The following EFCAB6 variants were observed in gnomAD, a reference collection of about 807,000 sequenced individuals.
EFCAB6 encodes EF-hand calcium-binding domain-containing protein 6.
A neutral mutation model predicts 169.8 loss-of-function variants in EFCAB6; 156 were observed. The ratio of observed to expected loss-of-function variants is 0.92; its 90% CI spans 0.81 to 1.05. The LOEUF is 1.05. EFCAB6 is among the 50% of genes least tolerant of loss of function. The pLI is 0.00. For missense variants in EFCAB6, 1,800 were observed against 1,829.1 expected (o/e 0.98, Z 0.29); for synonymous variants, 698 against 676.4 (o/e 1.03, Z -0.50).
chr22:43,658,142 T>A (rs1603021021), intron 17 of EFCAB6, among the ~76,000 whole-genome samples: 1 of 152,024 alleles, frequency 6.6e-6, no homozygotes, highest in South Asian at 2.1e-4. Flanking sequence ...GGCAGAAGAA[T>A]CACTTGAACC....
chr22:43,582,341 TAC>T (rs34578401), intron 24 of EFCAB6, among the ~76,000 whole-genome samples: 1,609 of 148,044 alleles, frequency 0.011, 30 homozygotes, highest in African/African-American at 0.035. Flanking sequence ...TCTATACACA[TAC>T]ACACACACAC....
At chr22:43,739,582 T>A (rs193193598) in intron 6 of EFCAB6, among the ~76,000 whole-genome samples, 62 of 152,234 alleles carry the variant, frequency 4.1e-4, no homozygotes, top group African/African-American at 1.4e-3. Context: ...AGCTGCCCAT[T>A]TGATGTCCCC....
intron 24 of EFCAB6, among the ~76,000 whole-genome samples, chr22:43,588,706 A>T (rs1287767130): frequency 6.6e-6 from 1 of 152,230 alleles, no homozygotes; most frequent in African/African-American, 2.4e-5. Context: ...GCAATCTTCA[A>T]GAAGATGAAG....
chr22:43,584,306 T>C lies in EFCAB6; in HGVS notation c.3033-3647A>G, dbSNP rs562261020. On this transcript the variant is annotated intron_variant, in intron 24 of 31. Coordinates refer to ENST00000262726, the MANE Select transcript of EFCAB6 (RefSeq NM_022785.4). ...AGAGAATCACAGCTGGGGCCTGCTT[T>C]CCTGGAGCAAAAGCCTTTGGAGGCA... 2.0e-5 allele frequency among the ~76,000 whole-genome samples: 3 copies of C among 152,302 alleles called. No homozygotes were observed. The South Asian group carries it at 6.2e-4, about 32-fold the overall frequency.
At chr22:43,580,362 A>G in intron 25 of EFCAB6, 102 bp downstream of exon 25, 1 of 1,271,514 alleles carries the variant, frequency 7.9e-7, no homozygotes, top group South Asian at 1.4e-5. Flanking sequence ...AGACACCCCA[A>G]GGAGAATGAA....
At chr22:43,564,595 G>T (rs1431501743) in intron 26 of EFCAB6, among the ~76,000 whole-genome samples, 1 of 152,240 alleles carries the variant, frequency 6.6e-6, no homozygotes, top group Admixed American at 6.5e-5. Flanking sequence ...CAAGCCAGGG[G>T]CGGGAGCAAG....
rs1400632693 is a variant in EFCAB6, at chr22:43,654,993, C to A, written c.1983+12111G>T. ...ACATGTGAGGCCAGGCGCTGTGGCT[C>A]ACACCTATAATCTTAGCACTTTGGG... On this transcript the variant is annotated intron_variant, in intron 17 of 31. Transcript: ENST00000262726. 2.6e-5 allele frequency among the ~76,000 whole-genome samples: 4 copies of A among 152,200 alleles called. No homozygotes were observed. In the South Asian group the frequency reaches 8.3e-4, roughly 31 times the overall value.
intron 2 of EFCAB6, among the ~76,000 whole-genome samples, chr22:43,790,929 G>A (rs1318384162): frequency 6.6e-6 from 1 of 152,120 alleles, no homozygotes; most frequent in African/African-American, 2.4e-5. Flanking sequence ...AGAAAGGTTG[G>A]GTGGAATGAC....
intron 19 of EFCAB6, among the ~76,000 whole-genome samples, chr22:43,631,618 C>T (rs1193063095): frequency 6.6e-6 from 1 of 152,016 alleles, no homozygotes; most frequent in Non-Finnish European, 1.5e-5. Context: ...CCTTCGACAA[C>T]AGCCAATTAC....
chr22:43,547,112 T>C (rs2048104585), intron 27 of EFCAB6, among the ~76,000 whole-genome samples: 1 of 151,852 alleles, frequency 6.6e-6, no homozygotes, highest in South Asian at 2.1e-4. Flanking sequence ...GATTAATTTG[T>C]GGAGAAAAAA....
At position 43,617,156 on chromosome 22, in the gene EFCAB6, T is replaced by C. The variant is rs1326117801; in HGVS notation, c.2466-1234A>G. ...TCCAAAGTTCAACCAGCCAATCCCC[T>C]ATGACTACTTGACCATGCAAGCTTT... On this transcript the variant is annotated intron_variant, in intron 20 of 31. Transcript: ENST00000262726. 3.3e-5 allele frequency among the ~76,000 whole-genome samples: 5 copies of C among 152,362 alleles called. No homozygotes were observed. The East Asian group carries it at 9.6e-4, about 29-fold the overall frequency.
chr22:43,725,437 G>A (rs867599973), intron 8 of EFCAB6, among the ~76,000 whole-genome samples: 7 of 152,130 alleles, frequency 4.6e-5, no homozygotes, highest in Admixed American at 1.3e-4. Flanking sequence ...CACTGCACCC[G>A]GCCCAAACTA....
At chr22:43,717,076 G>T in intron 8 of EFCAB6, 104 bp from the exon 9 acceptor site, 1 of 1,328,538 alleles carries the variant, frequency 7.5e-7, no homozygotes, top group South Asian at 2.2e-5. Context: ...AGGAAGGCTT[G>T]AATAAACCAA....
chr22:43,664,048 C>T (rs1003033141), intron 17 of EFCAB6, among the ~76,000 whole-genome samples: 1 of 152,180 alleles, frequency 6.6e-6, no homozygotes. Context: ...CCAAGAAGCC[C>T]GCAGATAGGC....
chr22:43,600,389 A>G (rs2052412254), intron 22 of EFCAB6, 126 bp from the exon 23 acceptor site: 1 of 998,250 alleles, frequency 1.0e-6, no homozygotes, highest in Non-Finnish European at 1.5e-6. Context: ...CACTCGGAGC[A>G]TGCCCTGTGG....
intron 4 of EFCAB6, among the ~76,000 whole-genome samples, chr22:43,765,900 T>C (rs1321429326): frequency 6.6e-6 from 1 of 152,232 alleles, no homozygotes; most frequent in East Asian, 1.9e-4. Flanking sequence ...AAAAGTATTA[T>C]CTCAATGTTT....
chr22:43,692,989 A>G lies in EFCAB6; in HGVS notation c.1032-5408T>C, dbSNP rs150668232. ...ATTCAAAGGGTAGGTCTCAAATGCA[A>G]TAAGAGAAAAGTGACTCATTAGGTA... On this transcript the variant is annotated intron_variant, in intron 10 of 31. Coordinates refer to ENST00000262726, the MANE Select transcript of EFCAB6 (RefSeq NM_022785.4). Among the ~76,000 whole-genome samples the G allele has an allele frequency of 4.1e-3, 617 of 152,270 alleles. 2 individuals are homozygous for G. The highest frequency in any genetic ancestry group is 6.8e-3 in the Non-Finnish European group (464 of 67,998).
rs571644573 is a variant in EFCAB6, at chr22:43,645,852, T to TAA, written c.1984-10638_1984-10637dup. 7.7e-5 allele frequency among the ~76,000 whole-genome samples: 9 copies of TAA among 116,742 alleles called. No homozygotes were observed. The South Asian group carries it at 1.6e-3, about 20-fold the overall frequency. The allele number at this position is 116,742 out of a possible 152,430, so 76.6% of individuals were successfully genotyped here. A position where few individuals can be genotyped will look rare whatever the true frequency, so the allele number is the denominator to read the frequency against. On this transcript the variant is annotated intron_variant, in intron 17 of 31. Coordinates refer to ENST00000262726, the MANE Select transcript of EFCAB6 (RefSeq NM_022785.4). ...TGGAATAAAGTGGACATTTTAAAAC[T>TAA]AAAAAAAAAAACAAAAACAAAAACT...
chr22:43,620,712 G>T (rs2054061302), intron 20 of EFCAB6, among the ~76,000 whole-genome samples: 1 of 152,078 alleles, frequency 6.6e-6, no homozygotes, highest in Admixed American at 6.5e-5. Context: ...TTTTTTCTCA[G>T]AGTTTCAAAT....
Sources: allele counts gnomAD v4.1 joint callset (sites outside exome capture counted in the v4.1 genomes callset), GRCh38; gene constraint gnomAD v4.1.1; transcripts MANE v1.5; gene names NCBI Gene and HGNC (gene_info 2026-07-23, HGNC 2026-07-21).